SUZ12: variants seen among roughly 807,000 people sequenced by gnomAD.
SUZ12 encodes SUZ12 polycomb repressive complex 2 subunit.
In SUZ12, 17 loss-of-function variants were observed where a neutral mutation model predicts 87.3. The ratio of observed to expected loss-of-function variants is 0.19; its 90% CI spans 0.13 to 0.29. The LOEUF is 0.29. Among genes scored for constraint, SUZ12 ranks in the 10% least tolerant of loss-of-function variants. SUZ12 has a pLI of 1.00. For synonymous variants in SUZ12, 253 were observed against 312.4 expected, an observed-to-expected ratio of 0.81 and a Z score of 2.01; for missense variants, 526 against 912.2, an observed-to-expected ratio of 0.58 and a Z score of 5.45.
intron 4 of SUZ12, among the ~76,000 whole-genome samples, chr17:31,950,889 T>C (rs1906931233): frequency 6.6e-6 from 1 of 151,570 alleles, no homozygotes; most frequent in South Asian, 2.1e-4. Flanking sequence ...CACGCCATTC[T>C]CCTGCCTCAG....
intron 8 of SUZ12, among the ~76,000 whole-genome samples, chr17:31,979,130 T>TAAAAG (rs1567830380): frequency 3.4e-5 from 4 of 116,158 alleles, no homozygotes; most frequent in Non-Finnish European, 3.8e-5. Flanking sequence ...AAAAAAGAAT[T>TAAAAG]CAAAACGATA....
At chr17:31,990,148 G>GTTTTTT (rs1567836883) in intron 10 of SUZ12, among the ~76,000 whole-genome samples, 4 of 127,076 alleles carry the variant, frequency 3.1e-5, no homozygotes, top group African/African-American at 1.2e-4. Context: ...TTTTTTTTTG[G>GTTTTTT]ATTTTTAGTA....
At chr17:31,985,268 AT>A (rs1909343401) in intron 9 of SUZ12, among the ~76,000 whole-genome samples, 1 of 151,460 alleles carries the variant, frequency 6.6e-6, no homozygotes, top group African/African-American at 2.4e-5. Context: ...CAAATTTTAT[AT>A]TTTTGTCACA....
At chr17:31,963,814 T>C (rs374458271) in intron 4 of SUZ12, 10,492 of 150,960 alleles carry the variant, frequency 0.07, no homozygotes, top group African/African-American at 0.23. Flanking sequence ...TGAGCCACCG[T>C]GCCCGGCCAT....
Position 31,994,653 on chromosome 17 carries a change from A to G in SUZ12, c.1527A>G (p.Gln509=), listed in dbSNP as rs1909880648. ...GAAATCCTCAGGATATTCATCGCCA[A>G]CCTGGATTTGCTTTTAGTCGCAACG... The part of the protein sequence containing the change: ...YAGNPQDIHR[Q]PGFAFSRNGP... The change falls in exon 13 of 16, where the codon CAA becomes CAG. Residue 509 remains glutamine (Q), a synonymous_variant. Coordinates refer to ENST00000322652, the MANE Select transcript of SUZ12 (RefSeq NM_015355.4). The G allele has an allele frequency of 6.2e-7, 1 of 1,614,166 alleles. No individual in the cohort carries two copies. Among genetic ancestry groups the G allele is most frequent in the South Asian group, 1.1e-5 (1 of 91,080 alleles).
At chr17:31,997,666 CAA>C (rs892389046) in intron 15 of SUZ12, among the ~76,000 whole-genome samples, 101 of 70,366 alleles carry the variant, frequency 1.4e-3, no homozygotes, top group African/African-American at 3.6e-3. Flanking sequence ...ACCCTATCTC[CAA>C]AAAAAAAAAA....
chr17:31,950,104 A>G (rs1380596497), intron 4 of SUZ12, among the ~76,000 whole-genome samples: 1 of 151,992 alleles, frequency 6.6e-6, no homozygotes, highest in African/African-American at 2.4e-5. Context: ...CTCCTGCCTC[A>G]GCCTCCCAAG....
chr17:31,983,756 A>G (rs1054004597), intron 9 of SUZ12, among the ~76,000 whole-genome samples: 4 of 152,218 alleles, frequency 2.6e-5, no homozygotes, highest in Non-Finnish European at 2.9e-5. Context: ...CTGGCATACA[A>G]TAAGTGCTCA....
Position 31,994,686 on chromosome 17 carries a change from T to C in SUZ12, c.1560T>C (p.Val520=). 1 of 1,614,084 alleles carries C rather than the reference T, an allele frequency of 6.2e-7. No homozygotes were observed. The highest frequency in any genetic ancestry group is 8.5e-7 in the Non-Finnish European group (1 of 1,180,004). The change falls in exon 13 of 16, where the codon GTT becomes GTC. Residue 520 remains valine (V), a synonymous_variant. Transcript: ENST00000322652. ...TTGCTTTTAGTCGCAACGGACCAGT[T>C]AAGAGAACACCTATCACACATATTC... ...PGFAFSRNGP[V]KRTPITHILV... is the part of the protein sequence containing the mutation.
chr17:31,988,245 A>AT (rs1330423925), intron 9 of SUZ12, 75 bp from the exon 10 acceptor site: 46 of 1,390,668 alleles, frequency 3.3e-5, no homozygotes, highest in Admixed American at 5.0e-5. Context: ...CTTATAATGA[A>AT]TTTTTTTTAA....
At chr17:31,939,860 A>G (rs990126107) in intron 1 of SUZ12, among the ~76,000 whole-genome samples, 1 of 152,182 alleles carries the variant, frequency 6.6e-6, no homozygotes, top group African/African-American at 2.4e-5. Flanking sequence ...ACCATTTAAA[A>G]AGTGAAATTT....
chr17:31,995,862 TAAAA>T (rs1220841671), intron 14 of SUZ12, 100 bp downstream of exon 14: 18 of 701,732 alleles, frequency 2.6e-5, no homozygotes, highest in Non-Finnish European at 3.8e-5. Context: ...GAACTTTTTT[TAAAA>T]AAAAAAAAAG....
intron 4 of SUZ12, chr17:31,963,942 T>TATG (rs1383926584): frequency 1.2e-3 from 184 of 152,374 alleles, no homozygotes; most frequent in African/African-American, 4.0e-3. Context: ...GCACCGGCCC[T>TATG]CTGCTTTCTA....
At chr17:31,988,231 T>C (rs1318289767) in intron 9 of SUZ12, 89 bp from the exon 10 acceptor site, 1 of 1,303,668 alleles carries the variant, frequency 7.7e-7, no homozygotes, top group East Asian at 2.6e-5. Context: ...CAAATCCACA[T>C]TGACTTATAA....
chr17:31,955,934 T>C lies in SUZ12; in HGVS notation c.455+8249T>C, dbSNP rs191736658. Among the ~76,000 whole-genome samples, 80 of 151,674 alleles carry C rather than the reference T, an allele frequency of 5.3e-4. No homozygotes were observed. The East Asian group carries it at 0.012, about 24-fold the overall frequency. ...TTATTATTATTTTTTGTTTTTGAGA[T>C]GGAGTCTCGCTCTGTCGCCCAGGCT... On this transcript the variant is annotated intron_variant, in intron 4 of 15. Coordinates refer to ENST00000322652, the MANE Select transcript of SUZ12 (RefSeq NM_015355.4).
At chr17:31,960,087 A>G (rs1045301373) in intron 4 of SUZ12, among the ~76,000 whole-genome samples, 1 of 152,212 alleles carries the variant, frequency 6.6e-6, no homozygotes, top group Non-Finnish European at 1.5e-5. Context: ...TAACCAATTA[A>G]GATGTGGACA....
At chr17:31,948,451 G>GA (rs1442520984) in intron 4 of SUZ12, among the ~76,000 whole-genome samples, 1 of 151,620 alleles carries the variant, frequency 6.6e-6, no homozygotes, top group Non-Finnish European at 1.5e-5. Context: ...TTAGATTCTT[G>GA]AAAAAATAGA....
rs58491591 is a variant in SUZ12 at position 31,980,429 on chromosome 17, CTTTTTTTTTTTTTTTTTTTT to C, written c.918-2552_918-2533del. ...TAAGATATACCAGAATCACCTTCTC[CTTTTTTTTTTTTTTTTTTTT>C]TTTTTTTTTTTTTTTTTGAGACGGA... On this transcript the variant is annotated intron_variant, in intron 8 of 15. Transcript: ENST00000322652. 1.3e-3 allele frequency among the ~76,000 whole-genome samples: 68 copies of C among 53,832 alleles called. 1 individual carries two copies. Among genetic ancestry groups the C allele is most frequent in the Middle Eastern group, 0.015 (1 of 68 alleles). 35.3% of individuals were successfully genotyped at this position (53,832 alleles called of 152,430 possible). A position where few individuals can be genotyped will look rare whatever the true frequency, so the allele number is the denominator to read the frequency against.
At chr17:31,959,720 A>G (rs1907581182) in intron 4 of SUZ12, among the ~76,000 whole-genome samples, 1 of 152,202 alleles carries the variant, frequency 6.6e-6, no homozygotes, top group Non-Finnish European at 1.5e-5. Flanking sequence ...CATAAAAATT[A>G]CTTCCTCTGT....
Sources: allele counts gnomAD v4.1 joint callset (sites outside exome capture counted in the v4.1 genomes callset), GRCh38; gene constraint gnomAD v4.1.1; transcripts MANE v1.5; gene names NCBI Gene and HGNC (gene_info 2026-07-23, HGNC 2026-07-21).